The following RAD54L2 variants were observed in gnomAD, a reference collection of about 807,000 sequenced individuals.
RAD54L2 encodes the protein RAD54 like 2.
In RAD54L2, 27 loss-of-function variants were observed where a neutral mutation model predicts 138.4. The ratio of observed to expected loss-of-function variants is 0.20; its 90% CI spans 0.14 to 0.27. The LOEUF is 0.27. RAD54L2 is among the 10% of genes least tolerant of loss of function. The probability of loss-of-function intolerance (pLI) is 1.00; values close to 1 mark genes in which losing one functional copy is unlikely to be tolerated. For missense variants in RAD54L2, 1,396 were observed against 1,890.2 expected, an observed-to-expected ratio of 0.74 and a Z score of 4.85; for synonymous variants, 644 against 723.2, an observed-to-expected ratio of 0.89 and a Z score of 1.76.
At chr3:51,633,509 A>G (rs906997609) in intron 7 of RAD54L2, 68 bp from the exon 8 acceptor site, 25 of 1,453,128 alleles carry the variant, frequency 1.7e-5, no homozygotes, top group Non-Finnish European at 2.3e-5. Flanking sequence ...TACTAATTAC[A>G]AAGTGAGTAA....
chr3:51,569,818 A>G (rs1699296886), intron 2 of RAD54L2, among the ~76,000 whole-genome samples: 1 of 151,972 alleles, frequency 6.6e-6, no homozygotes, highest in South Asian at 2.1e-4. Flanking sequence ...ATATGCTAAC[A>G]TTTTATTTAT....
intron 2 of RAD54L2, among the ~76,000 whole-genome samples, chr3:51,585,963 G>A (rs1015466999): frequency 2.0e-5 from 3 of 152,180 alleles, no homozygotes; most frequent in Admixed American, 1.3e-4. Context: ...GCAGTGTTTT[G>A]CCTAGAATGA....
chr3:51,660,231 A>G, intron 22 of RAD54L2, 113 bp downstream of exon 22: 1 of 757,568 alleles, frequency 1.3e-6, no homozygotes, highest in South Asian at 2.2e-5. Context: ...TTCACAATTC[A>G]GAGTGTACAG....
chr3:51,552,334 C>G (rs1214715244), intron 2 of RAD54L2, among the ~76,000 whole-genome samples: 3 of 151,698 alleles, frequency 2.0e-5, no homozygotes, highest in Admixed American at 2.0e-4. Flanking sequence ...AAGATCTTGA[C>G]TCACTGCAAG....
Position 51,633,728 on chromosome 3 carries a change from C to G in RAD54L2, c.977C>G (p.Thr326Arg). 1 of 1,613,930 alleles carries G rather than the reference C, an allele frequency of 6.2e-7. No individual in the cohort carries two copies. Among genetic ancestry groups the G allele is most frequent in the Non-Finnish European group, 8.5e-7 (1 of 1,179,882 alleles). The change falls in exon 8 of 23, where the codon ACG becomes AGG. Residue 326 changes from threonine (T) to arginine (R), a missense_variant. Thr to Arg is a moderately conservative substitution (Grantham distance 71). Transcript: ENST00000684192. ...TTCATCGACGTCCTCTTCCGCCACA[C>G]GCCAGCCAAAACAGTCCTTGCCATT... The part of the protein sequence containing the change: ...ISFIDVLFRH[T>R]PAKTVLAIVP...
intron 3 of RAD54L2, among the ~76,000 whole-genome samples, chr3:51,624,251 T>A (rs996499245): frequency 2.0e-5 from 3 of 149,406 alleles, no homozygotes; most frequent in Non-Finnish European, 1.5e-5. Flanking sequence ...TTTTTTTTTT[T>A]AGACAGGGTC....
At chr3:51,608,545 C>T (rs1433394175) in intron 3 of RAD54L2, among the ~76,000 whole-genome samples, 1 of 152,216 alleles carries the variant, frequency 6.6e-6, no homozygotes, top group Non-Finnish European at 1.5e-5. Context: ...ACGTTGAGCA[C>T]TGAGTGAGCG....
At chr3:51,658,684 T>G (rs1701671732) in intron 21 of RAD54L2, among the ~76,000 whole-genome samples, 2 of 152,234 alleles carry the variant, frequency 1.3e-5, no homozygotes, top group Non-Finnish European at 2.9e-5. Flanking sequence ...TGGGTTAGAG[T>G]ACCTTTGAGG....
intron 3 of RAD54L2, among the ~76,000 whole-genome samples, chr3:51,601,127 C>T (rs2106735106): frequency 6.6e-6 from 1 of 152,172 alleles, no homozygotes; most frequent in Admixed American, 6.5e-5. Flanking sequence ...CTGTTATGAA[C>T]ACGATTTTTA....
At chr3:51,597,953 CAA>C (rs758006704) in intron 3 of RAD54L2, among the ~76,000 whole-genome samples, 24 of 59,694 alleles carry the variant, frequency 4.0e-4, no homozygotes, top group Non-Finnish European at 6.3e-4. Flanking sequence ...GACTTTGTCT[CAA>C]AAAAAAAAAA....
At chr3:51,624,577 G>C (rs1218821336) in intron 3 of RAD54L2, among the ~76,000 whole-genome samples, 1 of 151,964 alleles carries the variant, frequency 6.6e-6, no homozygotes, top group African/African-American at 2.4e-5. Flanking sequence ...CTTAATTTAG[G>C]CTATCTTATA....
At chr3:51,563,839 T>G (rs763452586) in intron 2 of RAD54L2, among the ~76,000 whole-genome samples, 2 of 152,216 alleles carry the variant, frequency 1.3e-5, no homozygotes, top group African/African-American at 2.4e-5. Context: ...GGTGGTAGAC[T>G]ATCAGCTTGT....
Position 51,601,231 on chromosome 3 carries a change from C to T in RAD54L2, c.139+10672C>T, listed in dbSNP as rs573211705. On this transcript the variant is annotated intron_variant, in intron 3 of 22. Coordinates refer to ENST00000684192, the MANE Select transcript of RAD54L2 (RefSeq NM_015106.4). ...GTTTCACCATTTTGGCCAGGCTGGTCTTGAACTCCTGACCTTGTGATCCAC... is the reference window on the plus strand; with the variant it reads ...GTTTCACCATTTTGGCCAGGCTGGTTTTGAACTCCTGACCTTGTGATCCAC... 3.7e-3 allele frequency among the ~76,000 whole-genome samples: 562 copies of T among 151,378 alleles called. 3 individuals carry two copies. Among genetic ancestry groups the T allele is most frequent in the Non-Finnish European group, 6.0e-3 (409 of 67,940 alleles).
chr3:51,608,016 C>T (rs1316422502), intron 3 of RAD54L2, among the ~76,000 whole-genome samples: 1 of 148,990 alleles, frequency 6.7e-6, no homozygotes, highest in Admixed American at 6.7e-5. Context: ...CGGAGATGCT[C>T]CTCACTTCCC....
At chr3:51,564,752 G>A (rs1055235161) in intron 2 of RAD54L2, among the ~76,000 whole-genome samples, 1 of 152,038 alleles carries the variant, frequency 6.6e-6, no homozygotes, top group African/African-American at 2.4e-5. Flanking sequence ...CCACATCTCT[G>A]TTTATTTTTT....
chr3:51,620,805 G>A (rs1015257654), intron 3 of RAD54L2, among the ~76,000 whole-genome samples: 3 of 152,150 alleles, frequency 2.0e-5, no homozygotes, highest in Non-Finnish European at 4.4e-5. Flanking sequence ...GGTAGTAATA[G>A]TCATTGACTT....
At chr3:51,657,038 A>G (rs1480929530) in intron 20 of RAD54L2, among the ~76,000 whole-genome samples, 1 of 152,212 alleles carries the variant, frequency 6.6e-6, no homozygotes, top group Non-Finnish European at 1.5e-5. Context: ...CACCCGGCCA[A>G]TATATAAATT....
In RAD54L2 at chr3:51,637,441, C is replaced by T. The variant is rs368781027; in HGVS notation, c.1620C>T (p.Asp540=). The T allele has an allele frequency of 2.3e-5, 37 of 1,613,792 alleles. No homozygotes were observed. The highest frequency in any genetic ancestry group is 1.2e-4 in the South Asian group (11 of 91,052). The change falls in exon 11 of 23, where the codon GAC becomes GAT. Residue 540 remains aspartate, a synonymous_variant. Transcript: ENST00000684192. This position sits in a 1 kb window ranked among gnomAD's most constrained non-coding sequence, Gnocchi z 5.9. ...NGQCIDSTPQ[D]VRLMRYRSHV... is the part of the protein sequence containing the mutation. Reference sequence around the variant, plus strand: ...AATGTATTGACAGCACACCTCAGGACGTCCGCCTCATGCGGTACCGGAGCC... The same window carrying T: ...AATGTATTGACAGCACACCTCAGGATGTCCGCCTCATGCGGTACCGGAGCC...
rs1363313643 is a variant in RAD54L2 at position 51,577,345 on chromosome 3, T to C, written c.-54-13022T>C. Among the ~76,000 whole-genome samples, 10 of 152,314 alleles carry C rather than the reference T, an allele frequency of 6.6e-5. No individual in the cohort carries two copies. In the East Asian group the frequency reaches 1.9e-3, roughly 29 times the overall value. ...TATTGATTTGGGGTGGAGAATTCTG[T>C]AGATGTCTATTAAGTCTGCTTGGTG... On this transcript the variant is annotated intron_variant, in intron 2 of 22. Transcript: ENST00000684192.
Sources: gnomAD v4.1 joint callset for allele counts (sites outside exome capture counted in the v4.1 genomes callset) on GRCh38, gnomAD v4.1.1 for gene constraint, Gnocchi (gnomAD v3.1) non-coding constraint, MANE v1.5 for transcripts, NCBI Gene and HGNC (gene_info 2026-07-23, HGNC 2026-07-21) for gene names.